The following DOCK7 variants were observed in gnomAD, a reference collection of about 807,000 sequenced individuals.
DOCK7 encodes the protein dedicator of cytokinesis protein 7.
DOCK7 carries 138 observed loss-of-function variants against 271.0 expected under a neutral mutation model. The observed-to-expected ratio is 0.51, with a 90% CI of 0.44 to 0.59. The LOEUF (loss-of-function observed/expected upper bound fraction) is 0.59, where lower values mean the gene tolerates loss of function less well. DOCK7 is among the 20% of genes least tolerant of loss of function. DOCK7 has a pLI of 0.00. For synonymous variants in DOCK7, 823 were observed against 876.1 expected (o/e 0.94, Z 1.07); for missense variants, 2,066 against 2,592.4 (o/e 0.80, Z 4.41).
rs763362726 is a variant in DOCK7, at chr1:62,618,852, G to A, written c.1536C>T (p.Asp512=). The change falls in exon 14 of 50, where the codon GAC becomes GAT. Residue 512 remains aspartate, a synonymous_variant. Coordinates refer to ENST00000635253, the MANE Select transcript of DOCK7 (RefSeq NM_001367561.1). ...LRPITAQLKI[D]ISPAPENPHY... ...GGGGATTTTCAGGTGCGGGAGAAAT[G>A]TCTATCTTGAGCTGAGCTGCAAATT... 3.1e-6 allele frequency: 5 copies of A among 1,613,466 alleles called. No individual in the cohort carries two copies. Among genetic ancestry groups the A allele is most frequent in the African/African-American group, 1.3e-5 (1 of 74,890 alleles).
At position 62,569,136 on chromosome 1, in the gene DOCK7, T is replaced by A. The variant is rs879019601; in HGVS notation, c.2113-7433A>T. On this transcript the variant is annotated intron_variant, in intron 18 of 49. Coordinates refer to ENST00000635253, the MANE Select transcript of DOCK7 (RefSeq NM_001367561.1). Reference sequence around the variant, plus strand: ...CCAAAAAAGCCCAGGATCAGATGGATTTACAGCTAAATTCTACCAGAGATA... The same window carrying A: ...CCAAAAAAGCCCAGGATCAGATGGAATTACAGCTAAATTCTACCAGAGATA... 2.0e-4 allele frequency among the ~76,000 whole-genome samples: 31 copies of A among 152,196 alleles called. 1 individual carries two copies. The highest frequency in any genetic ancestry group is 2.9e-5 in the Non-Finnish European group (2 of 68,008).
At chr1:62,512,697 A>C (rs1043003367) in intron 33 of DOCK7, among the ~76,000 whole-genome samples, 12 of 152,050 alleles carry the variant, frequency 7.9e-5, no homozygotes, top group African/African-American at 2.4e-4. Flanking sequence ...CAGGAATTTC[A>C]AGACTAGCCT....
At chr1:62,571,723 T>A (rs1057379850) in intron 18 of DOCK7, among the ~76,000 whole-genome samples, 3 of 151,882 alleles carry the variant, frequency 2.0e-5, no homozygotes, top group African/African-American at 7.3e-5. Context: ...TACGCAGCAA[T>A]AAAAAGGAAT....
chr1:62,604,749 G>A (rs753230849), intron 14 of DOCK7: 10 of 1,612,900 alleles, frequency 6.2e-6, no homozygotes, highest in Non-Finnish European at 8.5e-6. Context: ...GTCTCAAAAT[G>A]GAAGGTTATA....
chr1:62,570,298 T>A (rs1646728318), intron 18 of DOCK7, among the ~76,000 whole-genome samples: 1 of 152,114 alleles, frequency 6.6e-6, no homozygotes, highest in African/African-American at 2.4e-5. Flanking sequence ...AACTCCCATT[T>A]ATAATTGCTA....
At chr1:62,591,538 AAAG>A (rs1183363817) in intron 14 of DOCK7, among the ~76,000 whole-genome samples, 1 of 152,132 alleles carries the variant, frequency 6.6e-6, no homozygotes, top group Non-Finnish European at 1.5e-5. Flanking sequence ...AAAAATAATA[AAAG>A]AAAAGAAAAA....
chr1:62,473,120 T>C (rs551142235), intron 48 of DOCK7, among the ~76,000 whole-genome samples: 3 of 152,326 alleles, frequency 2.0e-5, no homozygotes, highest in Non-Finnish European at 2.9e-5. Context: ...ATCACTGAAA[T>C]TGGGGATAGT....
intron 14 of DOCK7, chr1:62,603,925 C>G (rs765407485): frequency 1.8e-5 from 28 of 1,594,430 alleles, no homozygotes; most frequent in Non-Finnish European, 2.4e-5. Context: ...CAGTGTCCAA[C>G]CTGTACTTAA....
intron 8 of DOCK7, chr1:62,635,611 T>C (rs1473428530): frequency 6.6e-5 from 10 of 152,106 alleles, no homozygotes; most frequent in Non-Finnish European, 1.5e-4. Flanking sequence ...AAAGTGACTT[T>C]TAAAAAAATT....
chr1:62,660,382 C>A (rs1038425542), intron 2 of DOCK7, among the ~76,000 whole-genome samples: 2 of 152,110 alleles, frequency 1.3e-5, no homozygotes, highest in African/African-American at 4.8e-5. Flanking sequence ...GAAAATACAA[C>A]ATAAAATTTG....
intron 19 of DOCK7, 119 bp from the exon 20 acceptor site, chr1:62,559,339 G>A (rs902998839): frequency 4.5e-5 from 28 of 627,776 alleles, no homozygotes; most frequent in African/African-American, 4.4e-4. Flanking sequence ...AGTTCAAGTA[G>A]GTATACAAAC....
chr1:62,484,459 C>T (rs572177640), intron 43 of DOCK7: 27 of 152,126 alleles, frequency 1.8e-4, no homozygotes, highest in African/African-American at 5.5e-4. Context: ...AATACAAATT[C>T]GTCACTATTT....
chr1:62,677,479 A>C (rs1192632598), intron 1 of DOCK7, among the ~76,000 whole-genome samples: 1 of 152,198 alleles, frequency 6.6e-6, no homozygotes, highest in East Asian at 1.9e-4. Context: ...GACCCAATAC[A>C]CTCAGTTACA....
chr1:62,505,996 AT>A (rs2149323391), intron 35 of DOCK7, among the ~76,000 whole-genome samples, 180 bp from the exon 36 acceptor site: 1 of 152,218 alleles, frequency 6.6e-6, no homozygotes, highest in Admixed American at 6.5e-5. Context: ...CAGGATTTGA[AT>A]AAGAAAAGGG....
At chr1:62,503,916 G>A (rs780466035) in intron 37 of DOCK7, among the ~76,000 whole-genome samples, 6 of 151,798 alleles carry the variant, frequency 4.0e-5, no homozygotes, top group East Asian at 2.0e-4. Context: ...GCGTGGTGGC[G>A]GGCACCTGTA....
At chr1:62,548,700 C>A (rs971823307) in intron 22 of DOCK7, among the ~76,000 whole-genome samples, 6 of 152,142 alleles carry the variant, frequency 3.9e-5, no homozygotes, top group Non-Finnish European at 8.8e-5. Context: ...GGATTATGGG[C>A]GTGAGCCACC....
rs376038781 is a variant in DOCK7 at position 62,534,397 on chromosome 1, C to T, written c.3611+1096G>A. On this transcript the variant is annotated intron_variant, in intron 29 of 49. Transcript: ENST00000635253. The stretch of plus-strand genomic sequence containing the variant: ...GGGAGGCCGAGGCGGGCTGATCACT[C>T]GAGGCCAGGAGTTGGGAGACCAGCC... Among the ~76,000 whole-genome samples, 44 of 152,016 alleles carry T rather than the reference C, an allele frequency of 2.9e-4. No individual in the cohort carries two copies. In the East Asian group the frequency reaches 5.1e-3, roughly 18 times the overall value.
Position 62,520,358 on chromosome 1 carries a change from A to C in DOCK7, c.3937-6460T>G, listed in dbSNP as rs572445839. Among the ~76,000 whole-genome samples, 41 of 152,370 alleles carry C rather than the reference A, an allele frequency of 2.7e-4. No individual in the cohort carries two copies. In the South Asian group the frequency reaches 8.5e-3, roughly 32 times the overall value. On this transcript the variant is annotated intron_variant, in intron 31 of 49. Coordinates refer to ENST00000635253, the MANE Select transcript of DOCK7 (RefSeq NM_001367561.1). ...AAATTTTGCAATCTATCCAACTGACAAAGGGCTAATATCCAGAATCTACAA... is the reference window on the plus strand; with the variant it reads ...AAATTTTGCAATCTATCCAACTGACCAAGGGCTAATATCCAGAATCTACAA...
intron 14 of DOCK7, among the ~76,000 whole-genome samples, chr1:62,591,126 A>T (rs1333689697): frequency 6.6e-6 from 1 of 152,174 alleles, no homozygotes; most frequent in Non-Finnish European, 1.5e-5. Flanking sequence ...TAAAGAAATC[A>T]AGTAAATGTG....
Sources: allele counts gnomAD v4.1 joint callset (sites outside exome capture counted in the v4.1 genomes callset), GRCh38; gene constraint gnomAD v4.1.1; transcripts MANE v1.5; gene names NCBI Gene and HGNC (gene_info 2026-07-23, HGNC 2026-07-21).